Variants in ACO2 observed in about 807,000 individuals in gnomAD.
ACO2 encodes aconitate hydratase, mitochondrial.
A neutral mutation model predicts 84.5 loss-of-function variants in ACO2; 31 were observed. The ratio of observed to expected loss-of-function variants is 0.37; its 90% CI spans 0.28 to 0.50. ACO2 has a LOEUF of 0.50. ACO2 is among the 20% of genes least tolerant of loss of function. The pLI, the probability that ACO2 is intolerant of heterozygous loss-of-function variation, is 0.97. For missense variants in ACO2, 685 were observed against 1,029.3 expected, an observed-to-expected ratio of 0.67 and a Z score of 4.58; for synonymous variants, 414 against 412.7, an observed-to-expected ratio of 1.00 and a Z score of -0.04.
intron 1 of ACO2, among the ~76,000 whole-genome samples, chr22:41,470,601 G>A (rs1344513203): frequency 7.0e-6 from 1 of 141,942 alleles, no homozygotes; most frequent in East Asian, 2.0e-4. Flanking sequence ...GGAGTGCAAT[G>A]GCGCAATCTT....
At position 41,520,516 on chromosome 22, in the gene ACO2, G is replaced by A. The variant is rs1023683791; in HGVS notation, c.1138+240G>A. 3.9e-5 allele frequency among the ~76,000 whole-genome samples: 6 copies of A among 152,028 alleles called. No individual in the cohort carries two copies. In the South Asian group the frequency reaches 1.0e-3, roughly 26 times the overall value. The stretch of plus-strand genomic sequence containing the variant: ...AGTCTAGGGGTTCAAGACCAGCCTG[G>A]GCAACATGGAAAAACCCCGTCTCTT... On this transcript the variant is annotated intron_variant, in intron 9 of 17. Transcript: ENST00000216254.
intron 1 of ACO2, among the ~76,000 whole-genome samples, chr22:41,490,573 T>A (rs190544411): frequency 7.2e-4 from 109 of 152,324 alleles, no homozygotes; most frequent in African/African-American, 2.6e-3. Context: ...CCTGTCTCTC[T>A]GCTCTTTTAT....
intron 17 of ACO2, chr22:41,528,269 C>T: frequency 1.2e-6 from 1 of 846,668 alleles, no homozygotes; most frequent in Non-Finnish European, 1.8e-6. Context: ...AGGGGACAGC[C>T]CACCCACTGC....
chr22:41,486,969 C>T lies in ACO2; in HGVS notation c.37-12757C>T, dbSNP rs570371079. On this transcript the variant is annotated intron_variant, in intron 1 of 17. Coordinates refer to ENST00000216254, the MANE Select transcript of ACO2 (RefSeq NM_001098.3). ...CGCCATCTCGGCTCACTGTAGCTTC[C>T]GCCTCCCAGGTTCCAGTGATTCTCC... 1.8e-4 allele frequency among the ~76,000 whole-genome samples: 27 copies of T among 152,014 alleles called. No homozygotes were observed. The Middle Eastern group carries it at 0.014, about 77-fold the overall frequency.
intron 7 of ACO2, among the ~76,000 whole-genome samples, chr22:41,518,225 C>G (rs1261679475): frequency 1.3e-5 from 2 of 152,178 alleles, no homozygotes; most frequent in African/African-American, 2.4e-5. Flanking sequence ...CAAAACCCAG[C>G]TCTTCACTTC....
chr22:41,470,528 CTTTTTTTTTTTTTTTTTTTTTT>C lies in ACO2; in HGVS notation c.36+1359_36+1380del, dbSNP rs71184811. On this transcript the variant is annotated intron_variant, in intron 1 of 17. Coordinates refer to ENST00000216254, the MANE Select transcript of ACO2 (RefSeq NM_001098.3). ...TTTGCACCTAATTATCTCTTTACAT[CTTTTTTTTTTTTTTTTTTTTTT>C]TTTTTTTTTTTTGAGACAGTCTTGC... 4.2e-5 allele frequency among the ~76,000 whole-genome samples: 4 copies of C among 95,854 alleles called. 1 individual carries two copies. The highest frequency in any genetic ancestry group is 2.7e-4 in the Admixed American group (2 of 7,482). The allele number at this position is 95,854 out of a possible 152,430, so 62.9% of individuals were successfully genotyped here. A position where few individuals can be genotyped will look rare whatever the true frequency, so the allele number is the denominator to read the frequency against.
intron 12 of ACO2, 24 bp from the exon 13 acceptor site, chr22:41,524,822 A>T: frequency 6.2e-7 from 1 of 1,614,084 alleles, no homozygotes; most frequent in Non-Finnish European, 8.5e-7. Flanking sequence ...GTGCTGACCA[A>T]CAAACTGGCC....
At chr22:41,520,329 C>T (rs1179374084) in intron 9 of ACO2, 53 bp downstream of exon 9, 7 of 1,434,364 alleles carry the variant, frequency 4.9e-6, no homozygotes, top group African/African-American at 1.4e-5. Context: ...AGTGGCTCTG[C>T]CCAGGGCTGT....
intron 12 of ACO2, among the ~76,000 whole-genome samples, 187 bp from the exon 13 acceptor site, chr22:41,524,659 T>C (rs2066561990): frequency 6.6e-6 from 1 of 152,248 alleles, no homozygotes; most frequent in African/African-American, 2.4e-5. Flanking sequence ...CTGAGTCCTC[T>C]GCAGGCCCAA....
At chr22:41,490,166 T>C (rs2066261581) in intron 1 of ACO2, among the ~76,000 whole-genome samples, 1 of 152,006 alleles carries the variant, frequency 6.6e-6, no homozygotes, top group Non-Finnish European at 1.5e-5. Flanking sequence ...TTACTAAAAA[T>C]ACAAAAATTA....
intron 2 of ACO2, among the ~76,000 whole-genome samples, chr22:41,500,983 T>C (rs2066350097): frequency 6.6e-6 from 1 of 151,166 alleles, no homozygotes; most frequent in South Asian, 2.1e-4. Flanking sequence ...GGATTACAAG[T>C]GTGAGCCACT....
chr22:41,504,471 CT>C (rs896439143), intron 2 of ACO2, among the ~76,000 whole-genome samples: 4 of 152,160 alleles, frequency 2.6e-5, no homozygotes, highest in Non-Finnish European at 5.9e-5. Context: ...CATTGCTGAG[CT>C]TTTTTATATA....
chr22:41,515,672 A>T lies in ACO2; in HGVS notation c.685-95A>T. ...TTCTGGGAGGGAGGTAGAGACCAAT[A>T]AGCAGCAATGTGAATGGCAGCAGGG... On this transcript the variant is annotated intron_variant, in intron 5 of 17. Coordinates refer to ENST00000216254, the MANE Select transcript of ACO2 (RefSeq NM_001098.3). This position sits in a 1 kb window ranked among gnomAD's most constrained non-coding sequence, Gnocchi z 5.8. The T allele has an allele frequency of 6.2e-7, 1 of 1,600,562 alleles. No individual in the cohort carries two copies. The highest frequency in any genetic ancestry group is 8.5e-7 in the Non-Finnish European group (1 of 1,171,466).
At chr22:41,504,108 C>T (rs1407659736) in intron 2 of ACO2, among the ~76,000 whole-genome samples, 14 of 152,012 alleles carry the variant, frequency 9.2e-5, no homozygotes, top group East Asian at 3.9e-4. Flanking sequence ...CCCGGCCACT[C>T]GGGAGGCTGA....
At position 41,528,491 on chromosome 22, in the gene ACO2, A is replaced by C. The variant is rs1486566646; in HGVS notation, c.2221A>C (p.Ile741Leu). 6.2e-7 allele frequency: 1 copy of C among 1,612,176 alleles called. No homozygotes were observed. Among genetic ancestry groups the C allele is most frequent in the Non-Finnish European group, 8.5e-7 (1 of 1,180,024 alleles). Residue 741 changes from isoleucine (I) to leucine (L), a missense_variant, in exon 18 of 18, where the codon ATC (isoleucine) becomes CTC (leucine). This residue lies in a region of ACO2 where 174 missense variants were observed against 236.6 expected (regional missense o/e 0.74). Coordinates refer to ENST00000216254, the MANE Select transcript of ACO2 (RefSeq NM_001098.3). ...DFTPGKPLKCIIKHPNGTQET... is the reference protein window; with the variant it reads ...DFTPGKPLKCLIKHPNGTQET... ...CTTCTCCTTGCAGCCCCTGAAGTGC[A>C]TCATCAAGCACCCCAACGGGACCCA...
chr22:41,487,837 C>G (rs2066241477), intron 1 of ACO2, among the ~76,000 whole-genome samples: 1 of 152,092 alleles, frequency 6.6e-6, no homozygotes, highest in African/African-American at 2.4e-5. Context: ...CTGCTCTTCC[C>G]GTTGCCTTCC....
chr22:41,469,173 T>A lies in ACO2; in HGVS notation c.27T>A (p.Thr9=). Residue 9 remains threonine (T), a synonymous_variant, in exon 1 of 18, where the codon ACT becomes ACA. Transcript: ENST00000216254. MAPYSLLV[T]RLQKALGVRQ... The stretch of plus-strand genomic sequence containing the variant: ...TGGCGCCCTACAGCCTACTGGTGAC[T>A]CGGCTGCAGGTGAGCGAGCTCAGGG... 1 of 1,608,452 alleles carries A rather than the reference T, an allele frequency of 6.2e-7. No homozygotes were observed. Among genetic ancestry groups the A allele is most frequent in the Non-Finnish European group, 8.5e-7 (1 of 1,177,216 alleles).
chr22:41,476,965 A>T (rs991981980), intron 1 of ACO2, among the ~76,000 whole-genome samples: 20 of 151,592 alleles, frequency 1.3e-4, no homozygotes, highest in African/African-American at 4.6e-4. Context: ...CCTGGCCAAC[A>T]TGGTGAAACT....
chr22:41,503,575 C>G (rs1037138204), intron 2 of ACO2, among the ~76,000 whole-genome samples: 1 of 152,070 alleles, frequency 6.6e-6, no homozygotes, highest in Non-Finnish European at 1.5e-5. Flanking sequence ...GTGATCCACC[C>G]GCCTCAGTCT....
Sources: allele counts gnomAD v4.1 joint callset (sites outside exome capture counted in the v4.1 genomes callset), GRCh38; gene constraint gnomAD v4.1.1; regional missense constraint gnomAD v4.1.1; non-coding constraint Gnocchi (gnomAD v3.1); transcripts MANE v1.5; gene names NCBI Gene and HGNC (gene_info 2026-07-23, HGNC 2026-07-21).